The following PDE3A variants were observed in gnomAD, a reference collection of about 807,000 sequenced individuals.
PDE3A encodes cGMP-inhibited 3',5'-cyclic phosphodiesterase 3A.
In PDE3A, 43 loss-of-function variants were observed where a neutral mutation model predicts 98.3. That is an observed-to-expected ratio of 0.44 (90% CI 0.34 to 0.56). PDE3A has a LOEUF of 0.56. Ranked by LOEUF, PDE3A falls within the 20% of genes least tolerant of loss-of-function variation. The pLI is 0.01. For missense variants in PDE3A, 1,427 were observed against 1,440.7 expected (o/e 0.99, Z 0.15); for synonymous variants, 663 against 567.9 (o/e 1.17, Z -2.38).
intron 4 of PDE3A, among the ~76,000 whole-genome samples, chr12:20,618,212 C>T (rs1366426999): frequency 6.6e-6 from 1 of 152,070 alleles, no homozygotes; most frequent in East Asian, 1.9e-4. Flanking sequence ...AGAATTTGAT[C>T]CCTTTAAGGG....
intron 1 of PDE3A, among the ~76,000 whole-genome samples, chr12:20,428,372 C>T (rs1268003057): frequency 3.9e-5 from 6 of 152,098 alleles, no homozygotes; most frequent in Non-Finnish European, 7.4e-5. Context: ...CTCCACCTCC[C>T]GGGTTCAGGC....
chr12:20,521,882 C>T (rs1237328872), intron 1 of PDE3A, among the ~76,000 whole-genome samples: 1 of 152,058 alleles, frequency 6.6e-6, no homozygotes. Context: ...CCAGTGGTGG[C>T]AGGCTGGGCA....
chr12:20,679,422 T>C (rs560796376), intron 15 of PDE3A, among the ~76,000 whole-genome samples: 1 of 152,182 alleles, frequency 6.6e-6, no homozygotes, highest in South Asian at 2.1e-4. Flanking sequence ...TAATTTTTTG[T>C]ATTTTTAGTA....
At chr12:20,407,917 T>G (rs1591898353) in intron 1 of PDE3A, among the ~76,000 whole-genome samples, 1 of 152,006 alleles carries the variant, frequency 6.6e-6, no homozygotes, top group East Asian at 1.9e-4. Flanking sequence ...TATTTTCTAT[T>G]TTTATTTATT....
In PDE3A at chr12:20,448,807, C is replaced by T. The variant is rs1014660820; in HGVS notation, c.960+78563C>T. 5.9e-5 allele frequency among the ~76,000 whole-genome samples: 8 copies of T among 136,442 alleles called. No individual in the cohort carries two copies. The East Asian group carries it at 2.1e-3, about 36-fold the overall frequency. The allele number at this position is 136,442 out of a possible 152,430, so 89.5% of individuals were successfully genotyped here. On this transcript the variant is annotated intron_variant, in intron 1 of 15. Transcript: ENST00000359062. ...CTTTATTGCCCTGGCTGGTGTCAAA[C>T]TTTTGGGTTCAAGCAGTCCCCACGC... is the stretch of plus-strand genomic sequence containing the variant.
Position 20,634,989 on chromosome 12 carries a change from G to A in PDE3A, c.1934G>A (p.Cys645Tyr). 1 of 1,612,062 alleles carries A rather than the reference G, an allele frequency of 6.2e-7. No homozygotes were observed. Among genetic ancestry groups the A allele is most frequent in the Non-Finnish European group, 8.5e-7 (1 of 1,178,140 alleles). Residue 645 changes from cysteine to tyrosine, a missense_variant, in exon 8 of 16, where the codon TGC becomes TAC. By Grantham distance (194) the Cys-to-Tyr change is radical (BLOSUM62 -2). Around this residue, in one of 3 missense-constraint regions of PDE3A, gnomAD observed 1,012 missense variants for 886.5 expected, o/e 1.14. Transcript: ENST00000359062. Reference protein sequence around the residue: ...DIVQNEDETECLREPLRKASA... With the variant: ...DIVQNEDETEYLREPLRKASA... ...GTACAGAATGAAGATGAAACAGAGT[G>A]CCTGAGAGAGCCTCTGAGGAAAGCA...
chr12:20,585,684 CAGAT>C lies in PDE3A; in HGVS notation c.1012-27756_1012-27753del, dbSNP rs966556491. On this transcript the variant is annotated intron_variant, in intron 2 of 15. Transcript: ENST00000359062. ...TGAAAATGTCTAGCATGCTACTAGA[CAGAT>C]AGTATATGTTCAATAAATTCTCATT... Among the ~76,000 whole-genome samples the C allele has an allele frequency of 3.3e-5, 5 of 152,152 alleles. No individual in the cohort carries two copies. In the South Asian group the frequency reaches 1.0e-3, roughly 32 times the overall value.
chr12:20,431,594 AACACAC>A (rs35221225), intron 1 of PDE3A, among the ~76,000 whole-genome samples: 94 of 146,852 alleles, frequency 6.4e-4, no homozygotes, highest in African/African-American at 1.8e-3. Flanking sequence ...TAGTCAGGAA[AACACAC>A]ACACACACAC....
At chr12:20,460,033 A>C (rs1244037135) in intron 1 of PDE3A, among the ~76,000 whole-genome samples, 1 of 152,284 alleles carries the variant, frequency 6.6e-6, no homozygotes, top group East Asian at 1.9e-4. Flanking sequence ...AATACTACTA[A>C]TATCTGTGAA....
chr12:20,605,543 G>GAAAT (rs1943690618), intron 2 of PDE3A, among the ~76,000 whole-genome samples: 1 of 151,960 alleles, frequency 6.6e-6, no homozygotes, highest in Non-Finnish European at 1.5e-5. Flanking sequence ...TAAATGTAGA[G>GAAAT]AAATGAATTA....
chr12:20,465,168 T>A (rs1470261465), intron 1 of PDE3A, among the ~76,000 whole-genome samples: 1 of 152,158 alleles, frequency 6.6e-6, no homozygotes, highest in Non-Finnish European at 1.5e-5. Flanking sequence ...TAAAAGTCGA[T>A]GAAGTTGGAG....
intron 1 of PDE3A, among the ~76,000 whole-genome samples, chr12:20,469,442 T>C (rs1439181393): frequency 2.0e-5 from 3 of 152,202 alleles, no homozygotes; most frequent in African/African-American, 7.2e-5. Flanking sequence ...GTTGTCATGG[T>C]CCCAAAGGGT....
At chr12:20,650,253 CT>C (rs886105951) in intron 13 of PDE3A, among the ~76,000 whole-genome samples, 191 bp from the exon 14 acceptor site, 10 of 151,428 alleles carry the variant, frequency 6.6e-5, no homozygotes, top group East Asian at 1.9e-4. Context: ...CGTTATTTTA[CT>C]TTTTTTGTGA....
chr12:20,538,708 A>G (rs1941815444), intron 1 of PDE3A, among the ~76,000 whole-genome samples: 1 of 152,116 alleles, frequency 6.6e-6, no homozygotes, highest in Non-Finnish European at 1.5e-5. Flanking sequence ...AATTTTAAAA[A>G]TCAACTCCTT....
At chr12:20,450,522 T>C (rs566047933) in intron 1 of PDE3A, among the ~76,000 whole-genome samples, 1 of 152,370 alleles carries the variant, frequency 6.6e-6, no homozygotes, top group East Asian at 1.9e-4. Flanking sequence ...AGCTTGAAGC[T>C]GTCTTTTATT....
chr12:20,646,949 A>G lies in PDE3A; in HGVS notation c.2564A>G (p.Gln855Arg), dbSNP rs757821259. The change falls in exon 12 of 16, where the codon CAG becomes CGG. Residue 855 changes from glutamine (Q) to arginine (R), a missense_variant and splice_region_variant. By Grantham distance (43) the Gln-to-Arg change is conservative. Around this residue, in one of 3 missense-constraint regions of PDE3A, gnomAD observed 273 missense variants for 420.3 expected, o/e 0.65. Coordinates refer to ENST00000359062, the MANE Select transcript of PDE3A (RefSeq NM_000921.5). The stretch of plus-strand genomic sequence containing the variant: ...TTCCTGGTTGCAACTAGTGCTCCTC[A>G]GGTAAATCTTTAGATTTTGGTTAGG... ...NAFLVATSAP[Q>R]AVLYNDRSVL... is the part of the protein sequence containing the mutation. The G allele has an allele frequency of 3.1e-6, 5 of 1,606,838 alleles. No individual in the cohort carries two copies.
intron 3 of PDE3A, among the ~76,000 whole-genome samples, chr12:20,615,714 G>A (rs550400514): frequency 1.3e-5 from 2 of 151,662 alleles, no homozygotes; most frequent in East Asian, 1.9e-4. Flanking sequence ...ACCCTAAAAG[G>A]TTGGTTATGT....
intron 1 of PDE3A, among the ~76,000 whole-genome samples, chr12:20,525,980 A>G (rs1946511376): frequency 6.6e-6 from 1 of 152,166 alleles, no homozygotes; most frequent in East Asian, 1.9e-4. Flanking sequence ...TTCTCAGTAA[A>G]AGAAAACAAC....
intron 1 of PDE3A, among the ~76,000 whole-genome samples, chr12:20,508,997 G>A (rs538030041): frequency 3.0e-4 from 45 of 151,896 alleles, no homozygotes; most frequent in African/African-American, 7.5e-4. Context: ...TGTATTTTTC[G>A]TATATAGCCA....
Sources: allele counts gnomAD v4.1 joint callset (sites outside exome capture counted in the v4.1 genomes callset), GRCh38; gene constraint gnomAD v4.1.1; regional missense constraint gnomAD v4.1.1; transcripts MANE v1.5; gene names NCBI Gene and HGNC (gene_info 2026-07-23, HGNC 2026-07-21).